The following SLCO4A1 variants were observed in gnomAD, a reference collection of about 807,000 sequenced individuals.
SLCO4A1 encodes the protein solute carrier organic anion transporter family member 4A1.
In SLCO4A1, 51 loss-of-function variants were observed where a neutral mutation model predicts 64.6. The observed-to-expected ratio is 0.79, with a 90% CI of 0.63 to 1.00. The LOEUF (loss-of-function observed/expected upper bound fraction) is 1.00, where lower values mean the gene tolerates loss of function less well. Among genes scored for constraint, SLCO4A1 ranks in the 50% least tolerant of loss-of-function variants. The pLI, the probability that SLCO4A1 is intolerant of heterozygous loss-of-function variation, is 0.00. For synonymous variants in SLCO4A1, 471 were observed against 444.9 expected (o/e 1.06, Z -0.74); for missense variants, 919 against 980.5 (o/e 0.94, Z 0.84).
chr20:62,689,665 C>A (rs80291413), downstream of SLCO4A1, among the ~76,000 whole-genome samples: 1 of 152,208 alleles, frequency 6.6e-6, no homozygotes, highest in African/African-American at 2.4e-5. Context: ...TTTCCAAAGA[C>A]GCCCTGGTCA....
At position 62,679,182 on chromosome 20, in the gene SLCO4A1, C is replaced by T. The variant is rs948730479; in HGVS notation, n.212-6259C>T. On this transcript the variant is annotated intron_variant and non_coding_transcript_variant, in intron 2 of 2. Coordinates refer to the SLCO4A1 transcript ENST00000466818. ...TCACACCACTGCACTCCAGCCTGGG[C>T]GACAGAGCAAGACTCTGTCTCAGAC... Among the ~76,000 whole-genome samples, 76 of 152,230 alleles carry T rather than the reference C, an allele frequency of 5.0e-4. 1 individual carries two copies. The highest frequency in any genetic ancestry group is 8.9e-4 in the African/African-American group (37 of 41,548).
At chr20:62,658,042 C>T (rs140597147) in intron 2 of SLCO4A1, among the ~76,000 whole-genome samples, 1 of 152,132 alleles carries the variant, frequency 6.6e-6, no homozygotes, top group Non-Finnish European at 1.5e-5. Context: ...ACCCAGTGCA[C>T]GGCCCGCCTG....
At chr20:62,681,768 G>T (rs1489796162) in intron 2 of SLCO4A1, among the ~76,000 whole-genome samples, 1 of 152,112 alleles carries the variant, frequency 6.6e-6, no homozygotes, top group East Asian at 1.9e-4. Flanking sequence ...ATGTTACTTA[G>T]AATTCACCAG....
In SLCO4A1 at chr20:62,656,982, C is replaced by T. The variant is rs760779599; in HGVS notation, c.528C>T (p.Gly176=). ...SGHKPRWLGW[G]VLLMGTGSLV... ...ACAAGCCGCGCTGGCTGGGCTGGGG[C>T]GTGCTGCTTATGGGCACGGGGTCGC... is the stretch of plus-strand genomic sequence containing the variant. The change falls in exon 2 of 12, where the codon GGC becomes GGT. Residue 176 remains glycine, a synonymous_variant. Coordinates refer to ENST00000217159, the MANE Select transcript of SLCO4A1 (RefSeq NM_016354.4). 21 of 1,567,602 alleles carry T rather than the reference C, an allele frequency of 1.3e-5. 1 individual carries two copies. Among genetic ancestry groups the T allele is most frequent in the South Asian group, 5.9e-5 (5 of 85,278 alleles).
rs759286934 is a variant in SLCO4A1, at chr20:62,671,757, G to C, written c.2033G>C (p.Gly678Ala). Residue 678 changes from glycine to alanine, a missense_variant, in exon 12 of 12, where the codon GGC becomes GCC. Physicochemically the swap from Gly to Ala is moderately conservative, Grantham distance 60. Transcript: ENST00000217159. ...LIMGLLYKVL[G>A]VLFFAIACFL... ...GGGCTCCTCTCTCCCCAGGTGCTGGGCGTCCTCTTCTTTGCCATAGCCTGC... is the reference window on the plus strand; with the variant it reads ...GGGCTCCTCTCTCCCCAGGTGCTGGCCGTCCTCTTCTTTGCCATAGCCTGC... 1.9e-6 allele frequency: 3 copies of C among 1,613,288 alleles called. No individual in the cohort carries two copies. Among genetic ancestry groups the C allele is most frequent in the Non-Finnish European group, 2.5e-6 (3 of 1,179,812 alleles).
downstream of SLCO4A1, among the ~76,000 whole-genome samples, chr20:62,673,470 C>T (rs924072810): frequency 2.1e-5 from 3 of 143,690 alleles, 1 homozygote; most frequent in South Asian, 4.4e-4. Flanking sequence ...TGACCTGCCT[C>T]CTCCGGGTGT....
chr20:62,681,331 C>CT (rs1569156174), intron 2 of SLCO4A1, among the ~76,000 whole-genome samples: 4 of 152,226 alleles, frequency 2.6e-5, no homozygotes, highest in African/African-American at 9.7e-5. Flanking sequence ...AACAGCCAGC[C>CT]CATCAACCTT....
intron 2 of SLCO4A1, among the ~76,000 whole-genome samples, chr20:62,681,867 T>C (rs1444783940): frequency 7.6e-6 from 1 of 131,996 alleles, no homozygotes; most frequent in African/African-American, 2.9e-5. Flanking sequence ...ACTATTCACT[T>C]TATCTGTTGC....
downstream of SLCO4A1, among the ~76,000 whole-genome samples, chr20:62,676,430 T>G (rs7267935): frequency 0.031 from 4,737 of 152,060 alleles, 115 homozygotes; most frequent in South Asian, 0.083. Flanking sequence ...AAAATAATAA[T>G]AAGAAGAATT....
At chr20:62,656,318 TG>T in intron 1 of SLCO4A1, 40 bp from the exon 2 acceptor site, 1 of 718,004 alleles carries the variant, frequency 1.4e-6, no homozygotes, top group Non-Finnish European at 2.2e-6. Context: ...GCTGTACCCG[TG>T]GAGAGACGTG....
intron 11 of SLCO4A1, chr20:62,669,945 CCA>C (rs1986993841): frequency 6.6e-6 from 1 of 152,224 alleles, no homozygotes; most frequent in South Asian, 2.1e-4. Flanking sequence ...GTTTCACTTT[CCA>C]CAGTTTCAGT....
At chr20:62,662,389 G>T (rs1304223888) in intron 5 of SLCO4A1, among the ~76,000 whole-genome samples, 1 of 152,114 alleles carries the variant, frequency 6.6e-6, no homozygotes, top group Admixed American at 6.5e-5. Flanking sequence ...GCTTAGAGCT[G>T]AGGGTCAGGC....
intron 1 of SLCO4A1, among the ~76,000 whole-genome samples, chr20:62,648,586 G>A (rs887181788): frequency 2.0e-5 from 3 of 152,232 alleles, no homozygotes; most frequent in Non-Finnish European, 4.4e-5. Flanking sequence ...ACAAGGCCAT[G>A]GGAGAGGACC....
chr20:62,681,469 CG>C (rs1255279937), intron 2 of SLCO4A1, among the ~76,000 whole-genome samples: 2 of 145,980 alleles, frequency 1.4e-5, no homozygotes, highest in African/African-American at 2.5e-5. Context: ...TGTACACACT[CG>C]TGTGTGTGTT....
rs779164829 is a variant in SLCO4A1, at chr20:62,668,143, T to C, written c.1770T>C (p.Phe590=). 6.2e-7 allele frequency: 1 copy of C among 1,614,028 alleles called. No homozygotes were observed. ...LLVFIFVVIF[F]TFLSSIPALT... ...TTTTCATATTCGTTGTAATTTTCTT[T>C]ACATTCCTCAGCAGCATTCCTGCAC... The change falls in exon 9 of 12, where the codon TTT becomes TTC. Residue 590 remains phenylalanine (F), a synonymous_variant. Coordinates refer to ENST00000217159, the MANE Select transcript of SLCO4A1 (RefSeq NM_016354.4).
downstream of SLCO4A1, chr20:62,672,423 G>A (rs1987342768): frequency 6.3e-6 from 2 of 319,094 alleles, no homozygotes; most frequent in Admixed American, 6.1e-5. Flanking sequence ...TTATCCACAG[G>A]CTCCCCCGTA....
At chr20:62,667,530 G>A in intron 7 of SLCO4A1, 1 of 593,650 alleles carries the variant, frequency 1.7e-6, no homozygotes, top group Non-Finnish European at 3.0e-6. Flanking sequence ...GGGCATGGGT[G>A]TGCCTTCCTT....
At chr20:62,668,208 T>G in intron 9 of SLCO4A1, 24 bp downstream of exon 9, 1 of 1,613,176 alleles carries the variant, frequency 6.2e-7, no homozygotes, top group Non-Finnish European at 8.5e-7. Context: ...GGGTGTGCGC[T>G]TGTCCAGAGC....
intron 1 of SLCO4A1, chr20:62,651,495 C>T (rs1227877359): frequency 2.0e-5 from 3 of 152,164 alleles, no homozygotes; most frequent in Non-Finnish European, 2.9e-5. Context: ...CGTCTGCGGC[C>T]GTCTGATGGG....
Sources: allele counts gnomAD v4.1 joint callset (sites outside exome capture counted in the v4.1 genomes callset), GRCh38; gene constraint gnomAD v4.1.1; transcripts MANE v1.5; gene names NCBI Gene and HGNC (gene_info 2026-07-23, HGNC 2026-07-21).